The following KIF20A variants were observed in gnomAD, a reference collection of about 807,000 sequenced individuals.
KIF20A encodes kinesin-like protein KIF20A.
A neutral mutation model predicts 113.0 loss-of-function variants in KIF20A; 66 were observed. The observed-to-expected ratio is 0.58, with a 90% confidence interval of 0.48 to 0.72. The LOEUF is 0.72. KIF20A is among the 30% of genes least tolerant of loss of function. The pLI, the probability that KIF20A is intolerant of heterozygous loss-of-function variation, is 0.00. For synonymous variants in KIF20A, 376 were observed against 402.3 expected, an observed-to-expected ratio of 0.93 and a Z score of 0.78; for missense variants, 927 against 1,077.6, an observed-to-expected ratio of 0.86 and a Z score of 1.96.
chr5:138,179,816 G>T lies in KIF20A; in HGVS notation c.136G>T (p.Val46Phe). ...GAACCTGCTATCAGACTGCTCTGTC[G>T]TCTCTACCTCCCTAGAGGACAAGCA... The part of the protein sequence containing the change: ...RKNLLSDCSV[V>F]STSLEDKQQV... The change falls in exon 2 of 19, where the codon GTC becomes TTC. Residue 46 changes from valine (V) to phenylalanine (F), a missense_variant. Val to Phe is a conservative substitution (Grantham distance 50). Transcript: ENST00000394894. 1.2e-6 allele frequency: 2 copies of T among 1,614,004 alleles called. No individual in the cohort carries two copies. Among genetic ancestry groups the T allele is most frequent in the African/African-American group, 1.3e-5 (1 of 74,992 alleles).
chr5:138,187,294 A>G lies in KIF20A; in HGVS notation c.2554A>G (p.Asn852Asp). 1 of 1,614,160 alleles carries G rather than the reference A, an allele frequency of 6.2e-7. No individual in the cohort carries two copies. The highest frequency in any genetic ancestry group is 8.5e-7 in the Non-Finnish European group (1 of 1,180,020). The stretch of plus-strand genomic sequence containing the variant: ...ACCAGGGAAGAAACCATTCCTTCGA[A>G]ATTTACTTCCCCGAACACCAACCTG... ...QPPGKKPFLR[N>D]LLPRTPTCQS... Residue 852 changes from asparagine to aspartate, a missense_variant, in exon 19 of 19, where the codon AAT becomes GAT. Transcript: ENST00000394894.
intron 15 of KIF20A, 108 bp downstream of exon 15, chr5:138,185,305 C>A: frequency 1.2e-6 from 1 of 847,850 alleles, no homozygotes; most frequent in Non-Finnish European, 1.9e-6. Context: ...GAATATATAA[C>A]TCCCTTTTCT....
chr5:138,187,414 G>A lies in KIF20A; in HGVS notation c.*1G>A, dbSNP rs1484513750. ...TGGGCCTTTTGGCAAAAAGTACTAA[G>A]GCTGTGGGGAAAGAGAAGAGCAGTC... On this transcript the variant is annotated 3_prime_UTR_variant, in exon 19 of 19. Coordinates refer to ENST00000394894, the MANE Select transcript of KIF20A (RefSeq NM_005733.3). 3 of 1,609,626 alleles carry A rather than the reference G, an allele frequency of 1.9e-6. No homozygotes were observed. Among genetic ancestry groups the A allele is most frequent in the Admixed American group, 1.7e-5 (1 of 59,578 alleles).
Position 138,179,693 on chromosome 5 carries a change from A to T in KIF20A, c.13A>T (p.Ile5Phe), listed in dbSNP as rs958659012. 1.2e-6 allele frequency: 2 copies of T among 1,613,950 alleles called. No homozygotes were observed. The highest frequency in any genetic ancestry group is 1.7e-6 in the Non-Finnish European group (2 of 1,179,996). Residue 5 changes from isoleucine (I) to phenylalanine (F), a missense_variant, in exon 2 of 19, where the codon ATC (isoleucine) becomes TTC (phenylalanine). Ile to Phe is a conservative substitution (Grantham distance 21). Transcript: ENST00000394894. ...TGCCCCTGCCGTCATGTCGCAAGGG[A>T]TCCTTTCTCCGCCAGCGGGCTTGCT... The part of the protein sequence containing the change: MSQG[I>F]LSPPAGLLSD...
At chr5:138,186,524 T>C (rs1754748700) in intron 18 of KIF20A, 93 bp downstream of exon 18, 1 of 1,384,068 alleles carries the variant, frequency 7.2e-7, no homozygotes, top group South Asian at 1.4e-5. Context: ...AAGGTAAAGA[T>C]TTTTAGGCTG....
chr5:138,181,912 T>C (rs1754668253), intron 4 of KIF20A, 184 bp downstream of exon 4: 2 of 642,196 alleles, frequency 3.1e-6, no homozygotes, highest in African/African-American at 3.7e-5. Context: ...TTCTGAAAAA[T>C]TCTATTGTTA....
intron 5 of KIF20A, 60 bp from the exon 6 acceptor site, chr5:138,182,526 A>ACT (rs1452668379): frequency 1.9e-6 from 3 of 1,611,812 alleles, no homozygotes. Context: ...ACCTTTTGAG[A>ACT]CTCTGAGTTA....
chr5:138,179,531 T>A (rs1581475626), intron 1 of KIF20A, 129 bp from the exon 2 acceptor site: 2 of 682,444 alleles, frequency 2.9e-6, no homozygotes. Context: ...CCTTTGCCGA[T>A]AATTGGAGGG....
At position 138,186,034 on chromosome 5, in the gene KIF20A, G is replaced by A. The variant is rs2151234173; in HGVS notation, c.2199G>A (p.Lys733=). The change falls in exon 17 of 19, where the codon AAG becomes AAA. Residue 733 remains lysine (K), a synonymous_variant. Transcript: ENST00000394894. ...CCTTCACCATTGATGTGGACAAGAAGTTAGAAGAGGGCCAGAAGGTAATTA... is the reference window on the plus strand; with the variant it reads ...CCTTCACCATTGATGTGGACAAGAAATTAGAAGAGGGCCAGAAGGTAATTA... The part of the protein sequence containing the change: ...AKPFTIDVDK[K]LEEGQKNIRL... 2 of 1,613,978 alleles carry A rather than the reference G, an allele frequency of 1.2e-6. No individual in the cohort carries two copies. The highest frequency in any genetic ancestry group is 1.7e-6 in the Non-Finnish European group (2 of 1,179,964).
Position 138,184,918 on chromosome 5 carries a change from C to A in KIF20A, c.1795C>A (p.Gln599Lys). Reference sequence around the variant, plus strand: ...TGAAATTTGCAATGAGATGGTAGAACAGATGCAACAGCGGGAACAGTGGTG... The same window carrying A: ...TGAAATTTGCAATGAGATGGTAGAAAAGATGCAACAGCGGGAACAGTGGTG... Reference protein sequence around the residue: ...RDEICNEMVEQMQQREQWCSE... With the variant: ...RDEICNEMVEKMQQREQWCSE... Residue 599 changes from glutamine to lysine, a missense_variant, in exon 14 of 19, where the codon CAG becomes AAG. Gln to Lys is a moderately conservative substitution (Grantham distance 53). Transcript: ENST00000394894. 1 of 1,614,158 alleles carries A rather than the reference C, an allele frequency of 6.2e-7. No homozygotes were observed. The highest frequency in any genetic ancestry group is 8.5e-7 in the Non-Finnish European group (1 of 1,180,006).
At position 138,182,480 on chromosome 5, in the gene KIF20A, C is replaced by A; in HGVS notation, c.514+19C>A. Reference sequence around the variant, plus strand: ...ATTCAAGGTGAGTAGTAAGCCTTCACGGGATTCCTGATTGGCTGGTAATGG... The same window carrying A: ...ATTCAAGGTGAGTAGTAAGCCTTCAAGGGATTCCTGATTGGCTGGTAATGG... On this transcript the variant is annotated intron_variant, in intron 5 of 18. Coordinates refer to ENST00000394894, the MANE Select transcript of KIF20A (RefSeq NM_005733.3). The A allele has an allele frequency of 6.2e-7, 1 of 1,612,976 alleles. No individual in the cohort carries two copies. The highest frequency in any genetic ancestry group is 8.5e-7 in the Non-Finnish European group (1 of 1,179,400).
At chr5:138,185,427 C>A in intron 15 of KIF20A, 85 bp from the exon 16 acceptor site, 2 of 1,312,760 alleles carry the variant, frequency 1.5e-6, no homozygotes, top group Non-Finnish European at 2.2e-6. Flanking sequence ...GGATCAGTGT[C>A]ACAAGTGCTT....
chr5:138,183,781 G>A lies in KIF20A; in HGVS notation c.1208+25G>A. The A allele has an allele frequency of 6.2e-7, 1 of 1,603,404 alleles. No individual in the cohort carries two copies. Among genetic ancestry groups the A allele is most frequent in the African/African-American group, 1.3e-5 (1 of 74,610 alleles). On this transcript the variant is annotated intron_variant, in intron 10 of 18. Transcript: ENST00000394894. This position sits in a 1 kb window ranked among gnomAD's most constrained non-coding sequence, Gnocchi z 5.2. ...AGTAAGTTTATCCATTTAGAAATTTGGGCTTCTTGGCCATAAATGATAGTT... is the reference window on the plus strand; with the variant it reads ...AGTAAGTTTATCCATTTAGAAATTTAGGCTTCTTGGCCATAAATGATAGTT...
chr5:138,187,269 A>C lies in KIF20A; in HGVS notation c.2529A>C (p.Pro843=), dbSNP rs1389563403. Residue 843 remains proline, a synonymous_variant, in exon 19 of 19, where the codon CCA becomes CCC. Transcript: ENST00000394894. ...NQENQQPNQQ[P]PGKKPFLRNL... ...AAAATCAGCAACCAAACCAACAACC[A>C]CCAGGGAAGAAACCATTCCTTCGAA... 6.2e-7 allele frequency: 1 copy of C among 1,614,132 alleles called. No homozygotes were observed.
At chr5:138,186,555 T>C (rs1371652250) in intron 18 of KIF20A, 124 bp downstream of exon 18, 3 of 1,053,916 alleles carry the variant, frequency 2.8e-6, no homozygotes, top group Non-Finnish European at 4.0e-6. Context: ...GAGAGCAGTA[T>C]ATTTGCAAAA....
intron 18 of KIF20A, among the ~76,000 whole-genome samples, 170 bp from the exon 19 acceptor site, chr5:138,186,926 T>C (rs1237273562): frequency 6.6e-6 from 1 of 152,222 alleles, no homozygotes; most frequent in Non-Finnish European, 1.5e-5. Context: ...TGTTTTGTTC[T>C]CAGAAAATGT....
Position 138,185,111 on chromosome 5 carries a change from C to G in KIF20A, c.1840C>G (p.Gln614Glu), listed in dbSNP as rs759426796. ...EQWCSEHLDT[Q>E]KELLEEMYEE... ...TTCTGACAGTGAACATTTGGACACC[C>G]AAAAGGAACTATTGGAGGAAATGTA... Residue 614 changes from glutamine to glutamate, a missense_variant, in exon 15 of 19, where the codon CAA (glutamine) becomes GAA (glutamate). Transcript: ENST00000394894. 1 of 1,613,438 alleles carries G rather than the reference C, an allele frequency of 6.2e-7. No individual in the cohort carries two copies. The highest frequency in any genetic ancestry group is 2.2e-5 in the East Asian group (1 of 44,880).
At position 138,183,230 on chromosome 5, in the gene KIF20A, C is replaced by T. The variant is rs146016855; in HGVS notation, c.894C>T (p.Arg298=). The change falls in exon 8 of 19, where the codon CGC becomes CGT. Residue 298 remains arginine, a synonymous_variant. Coordinates refer to ENST00000394894, the MANE Select transcript of KIF20A (RefSeq NM_005733.3). This position sits in a 1 kb window ranked among gnomAD's most constrained non-coding sequence, Gnocchi z 5.2. ...CACTACCTGTCCCGGCAAACATTCGCTTCTCCATCTGGATCTCATTCTTTG... is the reference window on the plus strand; with the variant it reads ...CACTACCTGTCCCGGCAAACATTCGTTTCTCCATCTGGATCTCATTCTTTG... ...TAPLPVPANI[R]FSIWISFFEI... The T allele has an allele frequency of 1.2e-6, 2 of 1,614,218 alleles. No individual in the cohort carries two copies. The highest frequency in any genetic ancestry group is 1.7e-5 in the Admixed American group (1 of 60,032).
At position 138,181,638 on chromosome 5, in the gene KIF20A, C is replaced by T. The variant is rs914631296; in HGVS notation, c.285C>T (p.Thr95=). The part of the protein sequence containing the change: ...QGCVRIENVE[T]LVLQAPKDSF... ...GTGTCCGTATTGAGAATGTGGAGAC[C>T]CTTGTTCTACAAGCACCCAAGGACT... The change falls in exon 4 of 19, where the codon ACC becomes ACT. Residue 95 remains threonine, a synonymous_variant. Coordinates refer to ENST00000394894, the MANE Select transcript of KIF20A (RefSeq NM_005733.3). 6.2e-7 allele frequency: 1 copy of T among 1,614,126 alleles called. No homozygotes were observed. Among genetic ancestry groups the T allele is most frequent in the Non-Finnish European group, 8.5e-7 (1 of 1,180,022 alleles).
Sources: allele counts gnomAD v4.1 joint callset (sites outside exome capture counted in the v4.1 genomes callset), GRCh38; gene constraint gnomAD v4.1.1; non-coding constraint Gnocchi (gnomAD v3.1); transcripts MANE v1.5; gene names NCBI Gene and HGNC (gene_info 2026-07-23, HGNC 2026-07-21).